The following ZMAT4 variants were observed in gnomAD, a reference collection of about 807,000 sequenced individuals.
The protein encoded by ZMAT4 is zinc finger matrin-type 4.
Under a neutral mutation model 28.7 loss-of-function variants are expected in ZMAT4, and 17 were observed. The ratio of observed to expected loss-of-function variants is 0.59; its 90% CI spans 0.41 to 0.89. The LOEUF is 0.89. Among genes scored for constraint, ZMAT4 ranks in the 40% least tolerant of loss-of-function variants. The pLI is 0.00. For missense variants in ZMAT4, 240 were observed against 283.8 expected (o/e 0.85, Z 1.11); for synonymous variants, 117 against 109.2 (o/e 1.07, Z -0.44).
chr8:40,774,695 T>TAA (rs1491032054), intron 2 of ZMAT4, among the ~76,000 whole-genome samples: 6 of 150,316 alleles, frequency 4.0e-5, no homozygotes, highest in Admixed American at 1.3e-4. Context: ...TATATATATA[T>TAA]AATAAATATT....
chr8:40,750,872 A>G (rs1453849862), intron 3 of ZMAT4, among the ~76,000 whole-genome samples: 1 of 152,240 alleles, frequency 6.6e-6, no homozygotes, highest in East Asian at 1.9e-4. Context: ...ATTGTGATAT[A>G]AAATAATCAC....
chr8:40,815,065 A>G (rs1347214969), intron 2 of ZMAT4, among the ~76,000 whole-genome samples: 2 of 152,316 alleles, frequency 1.3e-5, no homozygotes, highest in Middle Eastern at 3.4e-3. Flanking sequence ...ACTTGAGGTC[A>G]GGAGTTCAAA....
intron 3 of ZMAT4, among the ~76,000 whole-genome samples, chr8:40,753,729 GTT>G (rs1166493902): frequency 6.6e-6 from 1 of 152,186 alleles, no homozygotes; most frequent in Non-Finnish European, 1.5e-5. Context: ...ACAGTATTGA[GTT>G]TGAATCTTGG....
intron 5 of ZMAT4, among the ~76,000 whole-genome samples, chr8:40,584,949 A>G (rs1804618377): frequency 6.6e-6 from 1 of 152,104 alleles, no homozygotes; most frequent in Non-Finnish European, 1.5e-5. Context: ...TTACTTTCCG[A>G]TTGCATCAAA....
chr8:40,692,069 C>T (rs1809688950), intron 4 of ZMAT4, among the ~76,000 whole-genome samples: 3 of 152,098 alleles, frequency 2.0e-5, no homozygotes, highest in African/African-American at 7.2e-5. Context: ...CACTTAACTG[C>T]CTATTATTAT....
chr8:40,778,678 C>G (rs1813702371), intron 2 of ZMAT4, among the ~76,000 whole-genome samples: 1 of 152,188 alleles, frequency 6.6e-6, no homozygotes, highest in African/African-American at 2.4e-5. Context: ...CTTTACAGGC[C>G]TTAGGGGAAG....
intron 6 of ZMAT4, among the ~76,000 whole-genome samples, chr8:40,573,751 C>A (rs1203036328): frequency 6.6e-6 from 1 of 151,856 alleles, no homozygotes; most frequent in Non-Finnish European, 1.5e-5. Flanking sequence ...GGAAAGAGTG[C>A]CAGGATCATG....
intron 2 of ZMAT4, among the ~76,000 whole-genome samples, chr8:40,806,960 C>A (rs1026005625): frequency 6.6e-6 from 1 of 151,866 alleles, no homozygotes; most frequent in Non-Finnish European, 1.5e-5. Flanking sequence ...CTGCAAGTCA[C>A]CCACCTTTAG....
At chr8:40,601,036 A>G (rs1489834174) in intron 5 of ZMAT4, among the ~76,000 whole-genome samples, 1 of 152,172 alleles carries the variant, frequency 6.6e-6, no homozygotes, top group African/African-American at 2.4e-5. Flanking sequence ...CTTGAAAATG[A>G]GACTCACTTT....
At chr8:40,702,975 G>A (rs1249562026) in intron 3 of ZMAT4, among the ~76,000 whole-genome samples, 1 of 152,040 alleles carries the variant, frequency 6.6e-6, no homozygotes, top group African/African-American at 2.4e-5. Flanking sequence ...AAGCATAGTG[G>A]ATAGCAGTGT....
intron 2 of ZMAT4, among the ~76,000 whole-genome samples, chr8:40,793,104 T>C (rs547092711): frequency 1.3e-5 from 2 of 152,248 alleles, no homozygotes; most frequent in East Asian, 3.9e-4. Context: ...CTTTGGGTGA[T>C]AATGATGTGT....
At chr8:40,797,506 A>G (rs901758248) in intron 2 of ZMAT4, among the ~76,000 whole-genome samples, 4 of 152,200 alleles carry the variant, frequency 2.6e-5, no homozygotes, top group Admixed American at 6.5e-5. Flanking sequence ...AACCTCAGAC[A>G]GTGAAGGGGA....
intron 6 of ZMAT4, among the ~76,000 whole-genome samples, chr8:40,535,044 C>T (rs1054081480): frequency 3.3e-5 from 5 of 152,026 alleles, no homozygotes; most frequent in Admixed American, 3.3e-4. Flanking sequence ...TTCATGGGGT[C>T]TCAGGAAGCA....
intron 3 of ZMAT4, among the ~76,000 whole-genome samples, chr8:40,755,101 A>G (rs754244750): frequency 2.0e-5 from 3 of 152,228 alleles, no homozygotes; most frequent in African/African-American, 4.8e-5. Flanking sequence ...TCCACATCAT[A>G]TGTTCACAAA....
chr8:40,881,601 A>AGAAAG (rs35552348), intron 1 of ZMAT4, among the ~76,000 whole-genome samples: 1 of 150,482 alleles, frequency 6.6e-6, no homozygotes, highest in Admixed American at 6.6e-5. Flanking sequence ...AAAGAAAGAA[A>AGAAAG]AGAAAAGAAA....
At chr8:40,607,731 G>A (rs1157142184) in intron 5 of ZMAT4, among the ~76,000 whole-genome samples, 1 of 152,138 alleles carries the variant, frequency 6.6e-6, no homozygotes, top group African/African-American at 2.4e-5. Context: ...CTCCCTTGAT[G>A]TGGTGCTCTC....
chr8:40,801,413 A>G (rs1172599240), intron 2 of ZMAT4, among the ~76,000 whole-genome samples: 6 of 148,518 alleles, frequency 4.0e-5, no homozygotes, highest in Non-Finnish European at 7.4e-5. Flanking sequence ...CACGCCTGTA[A>G]TCCCAGCACT....
At chr8:40,871,587 G>T (rs1445495114) in intron 1 of ZMAT4, among the ~76,000 whole-genome samples, 2 of 152,194 alleles carry the variant, frequency 1.3e-5, no homozygotes, top group East Asian at 1.9e-4. Flanking sequence ...AGTGGGAAAA[G>T]GCAGGGAAAA....
At chr8:40,858,429 T>C (rs1040017642) in intron 1 of ZMAT4, among the ~76,000 whole-genome samples, 2 of 152,204 alleles carry the variant, frequency 1.3e-5, no homozygotes, top group African/African-American at 4.8e-5. Flanking sequence ...TGGCTTGGAA[T>C]TGAGATCTGG....
Sources: allele counts gnomAD v4.1 joint callset (sites outside exome capture counted in the v4.1 genomes callset), GRCh38; gene constraint gnomAD v4.1.1; transcripts MANE v1.5; gene names NCBI Gene and HGNC (gene_info 2026-07-23, HGNC 2026-07-21).